Variants in FYN observed in about 807,000 individuals in gnomAD.
FYN encodes the protein tyrosine-protein kinase Fyn.
In FYN, 10 loss-of-function variants were observed where a neutral mutation model predicts 70.2. That is an observed-to-expected ratio of 0.14 (90% CI 0.09 to 0.24). The LOEUF (loss-of-function observed/expected upper bound fraction) is 0.24, where lower values mean the gene tolerates loss of function less well. Among genes scored for constraint, FYN ranks in the 10% least tolerant of loss-of-function variants. The pLI is 1.00. For missense variants in FYN, 319 were observed against 673.1 expected (o/e 0.47, Z 5.82); for synonymous variants, 236 against 248.6 (o/e 0.95, Z 0.48).
intron 2 of FYN, among the ~76,000 whole-genome samples, chr6:111,827,744 G>T (rs935834321): frequency 1.3e-5 from 2 of 152,090 alleles, no homozygotes; most frequent in Non-Finnish European, 2.9e-5. Context: ...AGCTATTTAA[G>T]AACCACATTA....
chr6:111,708,712 T>TG (rs1201381900), intron 5 of FYN, among the ~76,000 whole-genome samples: 4 of 151,958 alleles, frequency 2.6e-5, no homozygotes, highest in African/African-American at 9.7e-5. Context: ...GGGGTGAGGA[T>TG]GGGAATGGCT....
intron 1 of FYN, among the ~76,000 whole-genome samples, chr6:111,865,245 A>G (rs758816118): frequency 2.0e-5 from 3 of 152,212 alleles, no homozygotes; most frequent in Non-Finnish European, 4.4e-5. Flanking sequence ...ACAAGGGCAG[A>G]GTATGTGATG....
chr6:111,803,589 A>T (rs1772056261), intron 2 of FYN, among the ~76,000 whole-genome samples: 1 of 151,936 alleles, frequency 6.6e-6, no homozygotes, highest in South Asian at 2.1e-4. Flanking sequence ...CATGGAAGGA[A>T]GTAATCCACT....
At chr6:111,671,028 G>A (rs148365449) in intron 13 of FYN, among the ~76,000 whole-genome samples, 4 of 152,296 alleles carry the variant, frequency 2.6e-5, no homozygotes, top group African/African-American at 9.6e-5. Context: ...CAGAGAATGC[G>A]TTCAGCTCAG....
chr6:111,679,494 G>A (rs1409053900), intron 12 of FYN, among the ~76,000 whole-genome samples: 2 of 152,162 alleles, frequency 1.3e-5, no homozygotes, highest in Non-Finnish European at 2.9e-5. Context: ...TACAGTGTCT[G>A]CTGCAGAGAA....
At chr6:111,709,838 C>T (rs75518475) in intron 5 of FYN, among the ~76,000 whole-genome samples, 16,520 of 152,096 alleles carry the variant, frequency 0.11, 1,538 homozygotes, top group African/African-American at 0.26. Flanking sequence ...TTGTAAGCAC[C>T]CCTCTCTTTG....
intron 2 of FYN, among the ~76,000 whole-genome samples, chr6:111,834,963 G>T (rs1223970329): frequency 6.6e-6 from 1 of 152,162 alleles, no homozygotes; most frequent in Non-Finnish European, 1.5e-5. Context: ...CCCATTTTAA[G>T]AGTAAACTCA....
intron 3 of FYN, among the ~76,000 whole-genome samples, chr6:111,723,763 T>C (rs1801062346): frequency 1.3e-5 from 2 of 152,138 alleles, no homozygotes; most frequent in Admixed American, 6.5e-5. Flanking sequence ...TTATGCAGAG[T>C]TATGTGCTGT....
At chr6:111,672,450 C>T (rs1020802931) in intron 13 of FYN, among the ~76,000 whole-genome samples, 3 of 152,362 alleles carry the variant, frequency 2.0e-5, no homozygotes, top group African/African-American at 7.2e-5. Context: ...AAGAGTCCCT[C>T]TCAGGACCTG....
At chr6:111,754,618 T>C (rs929426826) in intron 3 of FYN, 1 of 152,252 alleles carries the variant, frequency 6.6e-6, no homozygotes, top group African/African-American at 2.4e-5. Context: ...ACACAGATCC[T>C]GGTGTACATG....
At chr6:111,818,064 G>A (rs746314662) in intron 2 of FYN, among the ~76,000 whole-genome samples, 4 of 152,202 alleles carry the variant, frequency 2.6e-5, no homozygotes, top group Non-Finnish European at 5.9e-5. Flanking sequence ...TCTTCCTTTG[G>A]ATGCCATTTA....
At chr6:111,697,317 T>TAC (rs759665463) in intron 9 of FYN, among the ~76,000 whole-genome samples, 1 of 152,198 alleles carries the variant, frequency 6.6e-6, no homozygotes, top group African/African-American at 2.4e-5. Context: ...CATACCTAGG[T>TAC]TCTTTGTGTA....
chr6:111,769,797 T>G (rs1035214889), intron 3 of FYN, among the ~76,000 whole-genome samples: 11 of 152,202 alleles, frequency 7.2e-5, no homozygotes, highest in African/African-American at 2.7e-4. Context: ...AAGAAAATTA[T>G]GGAAACTCTG....
At chr6:111,834,742 C>T (rs905298322) in intron 2 of FYN, among the ~76,000 whole-genome samples, 2 of 152,176 alleles carry the variant, frequency 1.3e-5, no homozygotes, top group Non-Finnish European at 2.9e-5. Flanking sequence ...GGTCTCCCAC[C>T]CACAAGCCAA....
Position 111,702,933 on chromosome 6 carries a change from T to G in FYN, c.649A>C (p.Thr217Pro), listed in dbSNP as rs1325644126. ...TGAAGTGTTTCAAACTGGGCCCGGG[T>G]GGTAATGTAGTATCCACCATTGTCA... is the stretch of plus-strand genomic sequence containing the variant. ...KLDNGGYYITTRAQFETLQQL... is the reference protein window; with the variant it reads ...KLDNGGYYITPRAQFETLQQL... Residue 217 changes from threonine to proline, a missense_variant, in exon 8 of 14, where the codon ACC (threonine) becomes CCC (proline). Thr to Pro is a conservative substitution (Grantham distance 38, BLOSUM62 -1). Coordinates refer to ENST00000354650, the MANE Select transcript of FYN (RefSeq NM_002037.5). 3 of 1,614,080 alleles carry G rather than the reference T, an allele frequency of 1.9e-6. No homozygotes were observed. The highest frequency in any genetic ancestry group is 2.5e-6 in the Non-Finnish European group (3 of 1,180,012).
intron 2 of FYN, among the ~76,000 whole-genome samples, chr6:111,788,645 T>C (rs190616561): frequency 4.7e-4 from 72 of 152,276 alleles, no homozygotes; most frequent in Admixed American, 2.0e-3. Context: ...CAATTTAAAA[T>C]ATAGTATAGT....
At position 111,694,511 on chromosome 6, in the gene FYN, A is replaced by C. The variant is rs778156013; in HGVS notation, c.1137T>G (p.Ala379=). The change falls in exon 12 of 14, where the codon GCT becomes GCG. Residue 379 remains alanine (A), a synonymous_variant. Transcript: ENST00000354650. This position sits in a 1 kb window ranked among gnomAD's most constrained non-coding sequence, Gnocchi z 5.0. ...GGATATAATTCATGCGCTCGATGTA[A>C]GCCATTCCTGCAGCCACCTGTGGAA... ...DMAAQVAAGM[A]YIERMNYIHR... The C allele has an allele frequency of 8.1e-6, 13 of 1,614,090 alleles. No individual in the cohort carries two copies. The highest frequency in any genetic ancestry group is 1.1e-5 in the Non-Finnish European group (13 of 1,180,036).
chr6:111,738,425 G>A (rs1758299423), intron 3 of FYN, among the ~76,000 whole-genome samples: 1 of 152,206 alleles, frequency 6.6e-6, no homozygotes, highest in Non-Finnish European at 1.5e-5. Context: ...TTGGAGTCAG[G>A]TGCCCCCAAG....
intron 1 of FYN, among the ~76,000 whole-genome samples, chr6:111,847,523 A>T (rs1773565858): frequency 6.6e-6 from 1 of 152,236 alleles, no homozygotes; most frequent in Non-Finnish European, 1.5e-5. Context: ...GTTAAGAAAT[A>T]TGAAAAAAGG....
Sources: allele counts gnomAD v4.1 joint callset (sites outside exome capture counted in the v4.1 genomes callset), GRCh38; gene constraint gnomAD v4.1.1; non-coding constraint Gnocchi (gnomAD v3.1); transcripts MANE v1.5; gene names NCBI Gene and HGNC (gene_info 2026-07-23, HGNC 2026-07-21).